ADAMTSL1: variants seen among roughly 807,000 people sequenced by gnomAD.
ADAMTSL1 encodes ADAMTS-like protein 1.
Under a neutral mutation model 201.8 loss-of-function variants are expected in ADAMTSL1, and 126 were observed. The observed-to-expected ratio is 0.62, with a 90% CI of 0.54 to 0.72. The LOEUF (loss-of-function observed/expected upper bound fraction) is 0.72. Among genes scored for constraint, ADAMTSL1 ranks in the 30% least tolerant of loss-of-function variants. The probability of loss-of-function intolerance (pLI) is 0.00; values close to 1 mark genes in which losing one functional copy is unlikely to be tolerated. For synonymous variants in ADAMTSL1, 1,121 were observed against 903.4 expected (o/e 1.24, Z -4.32); for missense variants, 2,679 against 2,277.8 (o/e 1.18, Z -3.59).
chr9:17,981,782 C>G (rs1381666648), intron 1 of ADAMTSL1, among the ~76,000 whole-genome samples: 1 of 152,084 alleles, frequency 6.6e-6, no homozygotes, highest in Non-Finnish European at 1.5e-5. Context: ...TTGCTTTACC[C>G]CAGGACATCT....
chr9:18,730,301 GA>G (rs1252105847), intron 15 of ADAMTSL1, among the ~76,000 whole-genome samples: 2 of 152,232 alleles, frequency 1.3e-5, no homozygotes, highest in African/African-American at 2.4e-5. Context: ...AAGGACTTGA[GA>G]AAGAGGTAGA....
At chr9:18,456,030 G>A (rs752003546) in intron 2 of ADAMTSL1, among the ~76,000 whole-genome samples, 22 of 151,948 alleles carry the variant, frequency 1.4e-4, no homozygotes, top group Admixed American at 3.9e-4. Flanking sequence ...GTTAGTCACC[G>A]TTACCTTTCA....
At chr9:18,303,981 C>T (rs997598332) in intron 2 of ADAMTSL1, among the ~76,000 whole-genome samples, 2 of 152,096 alleles carry the variant, frequency 1.3e-5, no homozygotes, top group African/African-American at 4.8e-5. Context: ...CAGAGCTCTC[C>T]ACCCGTTCCG....
intron 7 of ADAMTSL1, among the ~76,000 whole-genome samples, chr9:18,640,235 T>C (rs946990077): frequency 6.6e-6 from 1 of 152,104 alleles, no homozygotes; most frequent in South Asian, 2.1e-4. Context: ...ATCTGCATGG[T>C]AGTTCTTTTT....
chr9:18,351,647 G>A (rs549793534), intron 2 of ADAMTSL1, among the ~76,000 whole-genome samples: 1 of 152,298 alleles, frequency 6.6e-6, no homozygotes, highest in South Asian at 2.1e-4. Context: ...CTCCCAGAAA[G>A]CTTAAACTTG....
intron 4 of ADAMTSL1, among the ~76,000 whole-genome samples, chr9:18,586,245 A>G (rs977333316): frequency 6.6e-6 from 1 of 152,214 alleles, no homozygotes; most frequent in Non-Finnish European, 1.5e-5. Context: ...GCAAAGTCTC[A>G]GGATATAAAA....
At chr9:18,648,516 C>T (rs1390816368) in intron 7 of ADAMTSL1, among the ~76,000 whole-genome samples, 43 of 151,844 alleles carry the variant, frequency 2.8e-4, no homozygotes, top group African/African-American at 8.4e-4. Flanking sequence ...GATTTTGCAG[C>T]GGCTGGTACC....
At chr9:18,153,385 A>G (rs2132052756) in intron 1 of ADAMTSL1, among the ~76,000 whole-genome samples, 1 of 152,198 alleles carries the variant, frequency 6.6e-6, no homozygotes, top group Middle Eastern at 3.4e-3. Context: ...CTCTAATTCT[A>G]AAATTTATAA....
At chr9:18,614,941 A>G (rs932872268) in intron 4 of ADAMTSL1, among the ~76,000 whole-genome samples, 1 of 152,056 alleles carries the variant, frequency 6.6e-6, no homozygotes, top group African/African-American at 2.4e-5. Context: ...TACTCAAAAC[A>G]CTGCATGTAT....
In ADAMTSL1 at chr9:18,342,929, T is replaced by G. The variant is rs1459932076; in HGVS notation, c.208-161900T>G. Among the ~76,000 whole-genome samples the G allele has an allele frequency of 3.3e-5, 5 of 152,268 alleles. No homozygotes were observed. The East Asian group carries it at 9.7e-4, about 29-fold the overall frequency. On this transcript the variant is annotated intron_variant, in intron 2 of 29. Transcript: ENST00000680146. ...GTACTTCCTGTAATATAGCTGCTGG[T>G]GCTCGGATGACAAGATACACTTCAG...
intron 6 of ADAMTSL1, among the ~76,000 whole-genome samples, chr9:18,637,668 C>CT (rs1249064658): frequency 5.3e-5 from 8 of 152,178 alleles, no homozygotes; most frequent in Non-Finnish European, 1.0e-4. Context: ...CTTGTGTGTT[C>CT]TTTTTTTGTA....
At chr9:18,845,821 G>A (rs1240611994) in intron 23 of ADAMTSL1, among the ~76,000 whole-genome samples, 1 of 152,230 alleles carries the variant, frequency 6.6e-6, no homozygotes, top group Non-Finnish European at 1.5e-5. Context: ...ACGCTGGTAT[G>A]AAAACTGTGT....
At chr9:18,009,511 T>C (rs1018644517) in intron 1 of ADAMTSL1, among the ~76,000 whole-genome samples, 3 of 152,080 alleles carry the variant, frequency 2.0e-5, no homozygotes, top group Non-Finnish European at 4.4e-5. Flanking sequence ...AGTTACTCTT[T>C]GCTGTTTCAG....
chr9:18,320,234 T>C lies in ADAMTSL1; in HGVS notation c.207+156253T>C, dbSNP rs920397909. ...GCTAAGAAAAGGAACAGTTAAACCA[T>C]GCTGTACCTGAACTTCTGACCCACA... is the stretch of plus-strand genomic sequence containing the variant. On this transcript the variant is annotated intron_variant, in intron 2 of 29. Transcript: ENST00000680146. Among the ~76,000 whole-genome samples, 8 of 152,320 alleles carry C rather than the reference T, an allele frequency of 5.3e-5. No individual in the cohort carries two copies. In the South Asian group the frequency reaches 1.2e-3, roughly 24 times the overall value.
chr9:18,627,873 C>G (rs1443012035), intron 5 of ADAMTSL1, among the ~76,000 whole-genome samples: 1 of 152,142 alleles, frequency 6.6e-6, no homozygotes, highest in Non-Finnish European at 1.5e-5. Context: ...AGTCTACTTA[C>G]CACAGTGTGC....
At chr9:17,973,671 G>C (rs1487790058) in intron 1 of ADAMTSL1, among the ~76,000 whole-genome samples, 7 of 116,308 alleles carry the variant, frequency 6.0e-5, no homozygotes, top group Admixed American at 1.0e-4. Context: ...TCCATATGAA[G>C]TTTAAAGTAG....
intron 1 of ADAMTSL1, among the ~76,000 whole-genome samples, chr9:18,093,539 T>A (rs1158643361): frequency 1.3e-5 from 2 of 152,230 alleles, no homozygotes; most frequent in African/African-American, 4.8e-5. Context: ...ATATTAGGAC[T>A]ACCCTCATTT....
intron 1 of ADAMTSL1, among the ~76,000 whole-genome samples, chr9:18,066,354 A>G (rs1185537661): frequency 6.6e-6 from 1 of 152,198 alleles, no homozygotes; most frequent in East Asian, 1.9e-4. Context: ...ATAGAGAAAG[A>G]TAGTTACAAA....
intron 1 of ADAMTSL1, among the ~76,000 whole-genome samples, chr9:17,914,559 A>G (rs113307254): frequency 6.6e-6 from 1 of 151,376 alleles, no homozygotes; most frequent in Non-Finnish European, 1.5e-5. Context: ...ACCCACAGCC[A>G]ATATCATACT....
Sources: allele counts gnomAD v4.1 joint callset (sites outside exome capture counted in the v4.1 genomes callset), GRCh38; gene constraint gnomAD v4.1.1; transcripts MANE v1.5; gene names NCBI Gene and HGNC (gene_info 2026-07-23, HGNC 2026-07-21).